The following DDHD2 variants were observed in gnomAD, a reference collection of about 807,000 sequenced individuals.
The protein encoded by DDHD2 is DDHD domain containing 2, also known as triacylglycerol hydrolase DDHD2.
Under a neutral mutation model 91.2 loss-of-function variants are expected in DDHD2, and 62 were observed. The ratio of observed to expected loss-of-function variants is 0.68; its 90% CI spans 0.55 to 0.84. DDHD2 has a LOEUF of 0.84. Ranked by LOEUF, DDHD2 falls within the 40% of genes least tolerant of loss-of-function variation. DDHD2 has a pLI of 0.00. For missense variants in DDHD2, 740 were observed against 846.9 expected (o/e 0.87, Z 1.57); for synonymous variants, 271 against 293.9 (o/e 0.92, Z 0.80).
At chr8:38,268,899 G>A (rs745778647) in intron 1 of DDHD2, 5 of 1,556,536 alleles carry the variant, frequency 3.2e-6, no homozygotes, top group South Asian at 1.2e-5. Flanking sequence ...GGCTTGGTGG[G>A]GAAATACTCC....
At chr8:38,259,823 CTTCCTAGCTTT>C (rs1169967760) in intron 16 of DDHD2, among the ~76,000 whole-genome samples, 7 of 152,322 alleles carry the variant, frequency 4.6e-5, no homozygotes, top group Non-Finnish European at 8.8e-5. Flanking sequence ...CCTGGCCTCT[CTTCCTAGCTTT>C]TTTATATTAC....
Position 38,260,067 on chromosome 8 carries a change from C to A in DDHD2, c.2082C>A (p.Val694=). ...AGTCTGAAGATACAGTATTGCTCGT[C>A]CTCAAAGAGATCTACCAAACCCAGG... ...YWESEDTVLL[V]LKEIYQTQGI... Residue 694 remains valine, a synonymous_variant, in exon 17 of 18, where the codon GTC becomes GTA. Coordinates refer to ENST00000397166, the MANE Select transcript of DDHD2 (RefSeq NM_015214.3). 6.2e-7 allele frequency: 1 copy of A among 1,613,514 alleles called. No homozygotes were observed. The highest frequency in any genetic ancestry group is 2.2e-5 in the East Asian group (1 of 44,858).
downstream of DDHD2, chr8:38,266,409 T>C: frequency 2.5e-6 from 3 of 1,180,616 alleles, no homozygotes; most frequent in Non-Finnish European, 3.6e-6. Flanking sequence ...TGTTTTTATT[T>C]ATTTATTTTT....
downstream of DDHD2, chr8:38,273,475 ACCATAG>A (rs1471741291): frequency 1.6e-4 from 24 of 152,208 alleles, no homozygotes; most frequent in Admixed American, 1.6e-3. Context: ...ACCCTGGCTT[ACCATAG>A]AAAAGTCTTT....
chr8:38,264,762 C>T (rs925412534), downstream of DDHD2: 1 of 1,456,506 alleles, frequency 6.9e-7, no homozygotes, highest in Non-Finnish European at 9.1e-7. Flanking sequence ...TCTTTTTATT[C>T]TCAATTTTAT....
intron 10 of DDHD2, 60 bp downstream of exon 10, chr8:38,247,895 T>C: frequency 7.5e-7 from 1 of 1,341,110 alleles, no homozygotes; most frequent in Non-Finnish European, 1.0e-6. Flanking sequence ...GTTTATCGTG[T>C]TTACTAAGAG....
At chr8:38,263,436 C>T (rs1322103463), downstream of DDHD2, 1 of 985,270 alleles carries the variant, frequency 1.0e-6, no homozygotes, top group Non-Finnish European at 1.2e-6. Context: ...GAAAGAAGCT[C>T]ACAAGTACAG....
At chr8:38,253,332 A>C (rs1319221026) in intron 15 of DDHD2, 30 of 720,692 alleles carry the variant, frequency 4.2e-5, no homozygotes, top group Non-Finnish European at 6.5e-5. Flanking sequence ...TATCAATGGT[A>C]TAGGTAATGA....
At chr8:38,236,966 A>G (rs993092024) in intron 3 of DDHD2, among the ~76,000 whole-genome samples, 1 of 152,156 alleles carries the variant, frequency 6.6e-6, no homozygotes, top group Non-Finnish European at 1.5e-5. Flanking sequence ...CGCCTGGTCT[A>G]GAACATTAAT....
Position 38,261,276 on chromosome 8 carries a change from T to C in DDHD2, c.*703T>C, listed in dbSNP as rs1278042337. The C allele has an allele frequency of 6.6e-6, 1 of 152,218 alleles. No homozygotes were observed. Among genetic ancestry groups the C allele is most frequent in the Non-Finnish European group, 1.5e-5 (1 of 68,034 alleles). The allele number at this position is 152,218 out of a possible 1,614,324, so 9.4% of individuals were successfully genotyped here. A position where few individuals can be genotyped will look rare whatever the true frequency, so the allele number is the denominator to read the frequency against. On this transcript the variant is annotated 3_prime_UTR_variant, in exon 18 of 18. Coordinates refer to ENST00000397166, the MANE Select transcript of DDHD2 (RefSeq NM_015214.3). ...AGTCTAAAGTTGACAAGTTAGTTCA[T>C]GTTAGGTGCATCTTTATAAAGCAAA...
intron 5 of DDHD2, 78 bp from the exon 6 acceptor site, chr8:38,240,197 A>C (rs1393048180): frequency 1.4e-4 from 116 of 800,630 alleles, no homozygotes; most frequent in Non-Finnish European, 2.1e-4. Context: ...GCTCATATTT[A>C]TAACCTTTTC....
chr8:38,265,127 G>A (rs944076893), downstream of DDHD2: 9 of 558,732 alleles, frequency 1.6e-5, no homozygotes, highest in East Asian at 6.3e-5. Flanking sequence ...TTAGCCGGGC[G>A]TGGTGGCATG....
chr8:38,243,895 C>A (rs1162563255), intron 7 of DDHD2, among the ~76,000 whole-genome samples: 2 of 151,488 alleles, frequency 1.3e-5, no homozygotes, highest in African/African-American at 2.4e-5. Flanking sequence ...ACCTCCGACT[C>A]CCGGGTTCAA....
chr8:38,272,212 C>T (rs1274129367), downstream of DDHD2: 1 of 152,184 alleles, frequency 6.6e-6, no homozygotes, highest in African/African-American at 2.4e-5. Flanking sequence ...GCCTCCATTA[C>T]TTTTTTAGCT....
At chr8:38,264,317 T>G (rs983634827), downstream of DDHD2, 4 of 820,260 alleles carry the variant, frequency 4.9e-6, no homozygotes, top group Non-Finnish European at 6.9e-6. Flanking sequence ...AATTTTTGTA[T>G]TTTTAGTAGA....
Position 38,253,123 on chromosome 8 carries a change from TA to T in DDHD2, c.1888del (p.Ser630ValfsTer24). On this transcript the variant is annotated frameshift_variant, in exon 15 of 18. Coordinates refer to ENST00000397166, the MANE Select transcript of DDHD2 (RefSeq NM_015214.3). LOFTEE classifies it high-confidence loss of function. ...AACCTGAATCAACTTCAGAGAAGCCTAGTGGTCAGTGACACTGTACACATTG... is the reference window on the plus strand; with the variant it reads ...AACCTGAATCAACTTCAGAGAAGCCTGTGGTCAGTGACACTGTACACATTG... ...AEPESTSEKP[S>X]DVNTEETSVA... 1 of 1,613,284 alleles carries T rather than the reference TA, an allele frequency of 6.2e-7. No individual in the cohort carries two copies. Among genetic ancestry groups the T allele is most frequent in the Non-Finnish European group, 8.5e-7 (1 of 1,179,566 alleles).
chr8:38,236,099 GC>G (rs1341906755), intron 3 of DDHD2, among the ~76,000 whole-genome samples: 1 of 152,068 alleles, frequency 6.6e-6, no homozygotes, highest in Non-Finnish European at 1.5e-5. Flanking sequence ...TGCAAGCTCT[GC>G]CTCCTGGGTT....
At chr8:38,257,238 GTTTT>G (rs749469533) in intron 16 of DDHD2, among the ~76,000 whole-genome samples, 1 of 63,804 alleles carries the variant, frequency 1.6e-5, no homozygotes, top group South Asian at 5.3e-4. Flanking sequence ...TGGCCAACAA[GTTTT>G]TTTTTTTTTT....
downstream of DDHD2, chr8:38,264,466 T>G (rs762432644): frequency 2.1e-5 from 32 of 1,549,594 alleles, no homozygotes; most frequent in South Asian, 6.0e-5. Flanking sequence ...ACAATAAGAA[T>G]CCCCAGGCTT....
Sources: gnomAD v4.1 joint callset for allele counts (sites outside exome capture counted in the v4.1 genomes callset) on GRCh38, gnomAD v4.1.1 for gene constraint, MANE v1.5 for transcripts, NCBI Gene and HGNC (gene_info 2026-07-23, HGNC 2026-07-21) for gene names.